The following FER variants were observed in gnomAD, a reference collection of about 807,000 sequenced individuals.
FER encodes FER tyrosine kinase, also known as tyrosine-protein kinase Fer.
In FER, 63 loss-of-function variants were observed where a neutral mutation model predicts 111.0. That is an observed-to-expected ratio of 0.57 (90% CI 0.46 to 0.70). The LOEUF (loss-of-function observed/expected upper bound fraction) is 0.70, where lower values mean the gene tolerates loss of function less well. FER is among the 30% of genes least tolerant of loss of function. FER has a pLI of 0.00. For missense variants in FER, 914 were observed against 954.0 expected, an observed-to-expected ratio of 0.96 and a Z score of 0.55; for synonymous variants, 327 against 313.9, an observed-to-expected ratio of 1.04 and a Z score of -0.44.
At chr5:108,891,515 C>G (rs1481159301) in intron 9 of FER, 2 of 151,728 alleles carry the variant, frequency 1.3e-5, no homozygotes, top group Non-Finnish European at 2.9e-5. Context: ...ACTCCTTCTC[C>G]CATTCTCACT....
intron 17 of FER, among the ~76,000 whole-genome samples, chr5:109,109,194 C>G (rs1483168103): frequency 2.0e-5 from 3 of 152,104 alleles, no homozygotes; most frequent in African/African-American, 7.2e-5. Flanking sequence ...TTTAGACCTC[C>G]CCTCCTCCCC....
At position 108,927,252 on chromosome 5, in the gene FER, C is replaced by CTTTTTTTTTTTTTTTTTTTTTTTTTTTTT. The variant is rs766702172; in HGVS notation, c.1237-18859_1237-18858insTTTTTTTTTTTTTTTTTTTTTTTTTTTTT. On this transcript the variant is annotated intron_variant, in intron 10 of 19. Transcript: ENST00000281092. ...TGTAATTCAGCATTGAGAAGTGGCTCTTTTTTTTTTTTTTTTTTTGAGACG... is the reference window on the plus strand; with the variant it reads ...TGTAATTCAGCATTGAGAAGTGGCTCTTTTTTTTTTTTTTTTTTTTTTTTTTTTTTTTTTTTTTTTTTTTTTTTGAGACG... Among the ~76,000 whole-genome samples, 36 of 95,238 alleles carry CTTTTTTTTTTTTTTTTTTTTTTTTTTTTT rather than the reference C, an allele frequency of 3.8e-4. 13 individuals carry two copies. The highest frequency in any genetic ancestry group is 1.2e-3 in the African/African-American group (21 of 17,262). The allele number at this position is 95,238 out of a possible 152,430, so 62.5% of individuals were successfully genotyped here. A position where few individuals can be genotyped will look rare whatever the true frequency, so the allele number is the denominator to read the frequency against.
At chr5:109,114,315 T>G (rs560296823) in intron 17 of FER, among the ~76,000 whole-genome samples, 1 of 152,162 alleles carries the variant, frequency 6.6e-6, no homozygotes. Flanking sequence ...CACTTTTGAA[T>G]TGTGAAACCC....
chr5:108,852,295 G>A (rs561374921), intron 5 of FER, among the ~76,000 whole-genome samples: 1 of 152,264 alleles, frequency 6.6e-6, no homozygotes, highest in African/African-American at 2.4e-5. Context: ...GATCTGTTGA[G>A]TTGTCTCTGT....
At chr5:108,787,465 G>C (rs1754873363) in intron 2 of FER, among the ~76,000 whole-genome samples, 1 of 152,142 alleles carries the variant, frequency 6.6e-6, no homozygotes, top group African/African-American at 2.4e-5. Flanking sequence ...TTTACCTCAG[G>C]CCAGCGATGG....
intron 13 of FER, among the ~76,000 whole-genome samples, chr5:109,019,562 TA>T: frequency 6.6e-6 from 1 of 151,926 alleles, no homozygotes; most frequent in African/African-American, 2.4e-5. Flanking sequence ...GGGAACTTAT[TA>T]AAAATACAAA....
intron 17 of FER, among the ~76,000 whole-genome samples, chr5:109,154,124 GAGTTT>G (rs1755124270): frequency 6.6e-6 from 1 of 151,692 alleles, no homozygotes; most frequent in African/African-American, 2.4e-5. Context: ...CCCTGCATAG[GAGTTT>G]AGTTCTGATA....
intron 10 of FER, among the ~76,000 whole-genome samples, chr5:108,898,384 G>A (rs1252375447): frequency 2.0e-5 from 3 of 151,904 alleles, no homozygotes; most frequent in Non-Finnish European, 4.4e-5. Flanking sequence ...GTTTAAGAAT[G>A]CCTAGTATAA....
chr5:108,877,161 CAT>C (rs1212440361), intron 8 of FER, among the ~76,000 whole-genome samples: 8 of 152,162 alleles, frequency 5.3e-5, no homozygotes, highest in Admixed American at 2.6e-4. Context: ...CCATCTCTTG[CAT>C]AGAGCCTTGC....
At chr5:109,092,593 A>G (rs184805319) in intron 16 of FER, among the ~76,000 whole-genome samples, 1 of 152,220 alleles carries the variant, frequency 6.6e-6, no homozygotes, top group East Asian at 1.9e-4. Flanking sequence ...GCCACTATAA[A>G]AAAAGTAGAA....
At chr5:108,976,689 C>G (rs1392630674) in intron 13 of FER, among the ~76,000 whole-genome samples, 1 of 152,018 alleles carries the variant, frequency 6.6e-6, no homozygotes, top group Non-Finnish European at 1.5e-5. Flanking sequence ...TACAATAAGG[C>G]AGAGAAAAGA....
At chr5:109,184,999 C>T (rs1758702738) in intron 18 of FER, among the ~76,000 whole-genome samples, 1 of 152,130 alleles carries the variant, frequency 6.6e-6, no homozygotes, top group African/African-American at 2.4e-5. Context: ...TCTTTAACAC[C>T]ACTGTAAATG....
intron 17 of FER, among the ~76,000 whole-genome samples, chr5:109,108,745 C>G (rs1015437800): frequency 6.6e-6 from 1 of 152,150 alleles, no homozygotes; most frequent in African/African-American, 2.4e-5. Flanking sequence ...TAGTCTTGAT[C>G]AAATTCTGGG....
chr5:109,184,428 G>A (rs148575626), intron 18 of FER, among the ~76,000 whole-genome samples: 2 of 152,142 alleles, frequency 1.3e-5, no homozygotes, highest in Non-Finnish European at 2.9e-5. Context: ...GTTACTCTTG[G>A]TCTGTTAAAA....
intron 2 of FER, chr5:108,782,682 T>G (rs1580493453): frequency 6.6e-6 from 1 of 152,306 alleles, no homozygotes; most frequent in East Asian, 1.9e-4. Flanking sequence ...CGCGCTTTGT[T>G]GCCTAGGCTG....
chr5:109,005,368 C>CATGTGT (rs367893208), intron 13 of FER, among the ~76,000 whole-genome samples: 3 of 149,606 alleles, frequency 2.0e-5, no homozygotes, highest in Non-Finnish European at 4.5e-5. Flanking sequence ...AAAACTATCC[C>CATGTGT]GTGTGTGTGT....
intron 13 of FER, among the ~76,000 whole-genome samples, chr5:108,990,980 A>G (rs961646132): frequency 2.0e-5 from 3 of 151,802 alleles, no homozygotes; most frequent in African/African-American, 7.2e-5. Context: ...AATTAGAATG[A>G]ATATGTATTT....
chr5:109,092,070 A>G (rs1746839739), intron 16 of FER, among the ~76,000 whole-genome samples: 5 of 151,984 alleles, frequency 3.3e-5, no homozygotes, highest in Admixed American at 2.6e-4. Flanking sequence ...CTTGGAATCA[A>G]AGATCAGGCC....
intron 5 of FER, among the ~76,000 whole-genome samples, chr5:108,855,640 C>G (rs1444930735): frequency 6.8e-6 from 1 of 146,716 alleles, no homozygotes; most frequent in East Asian, 2.0e-4. Context: ...AAAAGGAAAA[C>G]TAAGTGAATG....
Sources: allele counts gnomAD v4.1 joint callset (sites outside exome capture counted in the v4.1 genomes callset), GRCh38; gene constraint gnomAD v4.1.1; transcripts MANE v1.5; gene names NCBI Gene and HGNC (gene_info 2026-07-23, HGNC 2026-07-21).